RYR1: variants seen among roughly 807,000 people sequenced by gnomAD.
RYR1 encodes ryanodine receptor 1, also known as central core disease of muscle.
RYR1 carries 342 observed loss-of-function variants against 583.5 expected under a neutral mutation model. The ratio of observed to expected loss-of-function variants is 0.59; its 90% confidence interval spans 0.54 to 0.64. The LOEUF (loss-of-function observed/expected upper bound fraction) is 0.64, where lower values mean the gene tolerates loss of function less well. RYR1 is among the 30% of genes least tolerant of loss of function. The pLI, the probability that RYR1 is intolerant of heterozygous loss-of-function variation, is 0.00. For missense variants in RYR1, 6,032 were observed against 6,917.2 expected (o/e 0.87, Z 4.54); for synonymous variants, 2,791 against 2,822.5 (o/e 0.99, Z 0.35).
chr19:38,485,746 G>A lies in RYR1; in HGVS notation c.5091G>A (p.Leu1697=). The change falls in exon 34 of 106, where the codon CTG becomes CTA. Residue 1697 remains leucine, a synonymous_variant. Transcript: ENST00000359596. ...HVDQAQLLHA[L]EDAHLPGPLR... ...ACCAAGCTCAGCTGCTGCACGCCCT[G>A]GAGGACGCGCACCTGCCAGGCCCAC... 6.2e-7 allele frequency: 1 copy of A among 1,612,920 alleles called. No homozygotes were observed. Among genetic ancestry groups the A allele is most frequent in the Non-Finnish European group, 8.5e-7 (1 of 1,179,956 alleles).
In RYR1 at chr19:38,512,468, G is replaced by A. The variant is rs779410371; in HGVS notation, c.9457G>A (p.Gly3153Arg). 7.4e-6 allele frequency: 12 copies of A among 1,611,940 alleles called. No individual in the cohort carries two copies. Among genetic ancestry groups the A allele is most frequent in the African/African-American group, 4.0e-5 (3 of 74,924 alleles). The stretch of plus-strand genomic sequence containing the variant: ...CCAGCACATCGCCCAGCACCAGTTC[G>A]GAGATGACGTCATCCGTAAGGGCGC... Reference protein sequence around the residue: ...LFQHIAQHQFGDDVILDDVQV... With the variant: ...LFQHIAQHQFRDDVILDDVQV... The change falls in exon 63 of 106, where the codon GGA becomes AGA. Residue 3153 changes from glycine (G) to arginine (R), a missense_variant. Physicochemically the swap from Gly to Arg is moderately radical, Grantham distance 125. Coordinates refer to ENST00000359596, the MANE Select transcript of RYR1 (RefSeq NM_000540.3). The surrounding 1 kb of genome is among the most constrained non-coding windows in gnomAD (Gnocchi z 5.1).
At position 38,478,597 on chromosome 19, in the gene RYR1, C is replaced by T; in HGVS notation, c.4617C>T (p.Phe1539=). Residue 1539 remains phenylalanine (F), a synonymous_variant, in exon 31 of 106, where the codon TTC becomes TTT. Transcript: ENST00000359596. The part of the protein sequence containing the change: ...TANGKESNTF[F]QVEPNTKLFP... ...ATGGCAAAGAGAGCAACACCTTTTT[C>T]CAGGTGAGTCCAGGCCACAGCAATT... is the stretch of plus-strand genomic sequence containing the variant. 2.5e-6 allele frequency: 4 copies of T among 1,610,064 alleles called. No homozygotes were observed. Among genetic ancestry groups the T allele is most frequent in the Non-Finnish European group, 3.4e-6 (4 of 1,179,970 alleles).
At position 38,446,598 on chromosome 19, in the gene RYR1, A is replaced by G. The variant is rs991092831; in HGVS notation, c.725+33A>G. 6 of 1,606,834 alleles carry G rather than the reference A, an allele frequency of 3.7e-6. No homozygotes were observed. The African/African-American group carries it at 8.0e-5, about 21-fold the overall frequency. On this transcript the variant is annotated intron_variant, in intron 8 of 105. Coordinates refer to ENST00000359596, the MANE Select transcript of RYR1 (RefSeq NM_000540.3). ...CTGTGGACGAGAGGGCCTGGGGTCT[A>G]GGGGTGGACGTGGAGGGCTGGGACC... is the stretch of plus-strand genomic sequence containing the variant.
In RYR1 at chr19:38,463,516, A is replaced by G. The variant is rs2145433413; in HGVS notation, c.2671A>G (p.Thr891Ala). 1 of 1,612,474 alleles carries G rather than the reference A, an allele frequency of 6.2e-7. No homozygotes were observed. Among genetic ancestry groups the G allele is most frequent in the East Asian group, 2.2e-5 (1 of 44,870 alleles). Residue 891 changes from threonine (T) to alanine (A), a missense_variant, in exon 21 of 106, where the codon ACC becomes GCC. Thr to Ala is a moderately conservative substitution (Grantham distance 58). Around this residue, in one of 11 missense-constraint regions of RYR1, gnomAD observed 2,627 missense variants for 2,961.3 expected, o/e 0.89. Transcript: ENST00000359596. The stretch of plus-strand genomic sequence containing the variant: ...GCTAACCCGCATCGAGCAGGGCTGG[A>G]CCTACGGCCCGGTGAGGGGCTGCCT... ...WALTRIEQGW[T>A]YGPVRDDNKR...
Position 38,469,399 on chromosome 19 carries a change from C to T in RYR1, c.3651C>T (p.Gly1217=). 2 of 1,614,134 alleles carry T rather than the reference C, an allele frequency of 1.2e-6. No individual in the cohort carries two copies. The highest frequency in any genetic ancestry group is 2.2e-5 in the South Asian group (2 of 91,086). The part of the protein sequence containing the change: ...VSSLRFFAIC[G]LQEGFEPFAI... The stretch of plus-strand genomic sequence containing the variant: ...CTCTGAGGTTCTTTGCCATCTGTGG[C>T]CTCCAGGAAGGCTTCGAGCCATTTG... The change falls in exon 27 of 106, where the codon GGC becomes GGT. Residue 1217 remains glycine, a synonymous_variant. Coordinates refer to ENST00000359596, the MANE Select transcript of RYR1 (RefSeq NM_000540.3).
rs1428211609 is a variant in RYR1 at position 38,457,485 on chromosome 19, C to A, written c.1792-12C>A. ...GCCTACACACCCTTTAACCTCTGACCTTGACCTCTAGGTCCTGGACGTGCT... is the reference window on the plus strand; with the variant it reads ...GCCTACACACCCTTTAACCTCTGACATTGACCTCTAGGTCCTGGACGTGCT... On this transcript the variant is annotated splice_polypyrimidine_tract_variant and intron_variant, in intron 16 of 105. Coordinates refer to ENST00000359596, the MANE Select transcript of RYR1 (RefSeq NM_000540.3). 6.2e-7 allele frequency: 1 copy of A among 1,614,112 alleles called. No homozygotes were observed.
chr19:38,569,265 C>G (rs954623645), intron 93 of RYR1, among the ~76,000 whole-genome samples: 19 of 152,076 alleles, frequency 1.2e-4, no homozygotes, highest in African/African-American at 4.6e-4. Context: ...CCTTGGCCTC[C>G]CAAAGTGCTG....
At position 38,496,075 on chromosome 19, in the gene RYR1, T is replaced by C; in HGVS notation, c.6549-140T>C. 1.3e-6 allele frequency: 1 copy of C among 757,636 alleles called. No individual in the cohort carries two copies. The highest frequency in any genetic ancestry group is 2.7e-5 in the East Asian group (1 of 37,086). 46.9% of individuals were successfully genotyped at this position (757,636 alleles called of 1,614,324 possible). A position where few individuals can be genotyped will look rare whatever the true frequency, so the allele number is the denominator to read the frequency against. On this transcript the variant is annotated intron_variant, in intron 39 of 105. Coordinates refer to ENST00000359596, the MANE Select transcript of RYR1 (RefSeq NM_000540.3). The surrounding 1 kb of genome is among the most constrained non-coding windows in gnomAD (Gnocchi z 4.8). The stretch of plus-strand genomic sequence containing the variant: ...ACCGCACCCGGCCAGCTGTAGGAAT[T>C]GAGTGAGTTCAGATCTGTAAAGGCG...
At chr19:38,529,092 C>A in intron 76 of RYR1, 35 bp downstream of exon 76, 2 of 1,605,890 alleles carry the variant, frequency 1.2e-6, no homozygotes, top group Admixed American at 1.7e-5. Flanking sequence ...GAAATGCCCC[C>A]AAGGTCCTGG....
chr19:38,523,190 G>C (rs575861822), intron 68 of RYR1, 27 bp from the exon 69 acceptor site: 19 of 1,614,134 alleles, frequency 1.2e-5, no homozygotes, highest in Admixed American at 1.0e-4. Flanking sequence ...TCACCTGTCC[G>C]GTCTGCAACA....
rs1448315597 is a variant in RYR1, at chr19:38,565,620, C to T, written c.13286C>T (p.Ala4429Val). ...AGDEEEAVHE[A>V]GPGGADGAVA... ...GACGAGGAGGAGGCGGTGCACGAGG[C>T]CGGGCCGGGCGGTGCCGACGGGGCG... The change falls in exon 91 of 106, where the codon GCC becomes GTC. Residue 4429 changes from alanine (A) to valine (V), a missense_variant. By Grantham distance (64) the Ala-to-Val change is moderately conservative (BLOSUM62 0). Around this residue, in one of 11 missense-constraint regions of RYR1, gnomAD observed 753 missense variants for 759.6 expected, o/e 0.99. Coordinates refer to ENST00000359596, the MANE Select transcript of RYR1 (RefSeq NM_000540.3). This position sits in a 1 kb window ranked among gnomAD's most constrained non-coding sequence, Gnocchi z 4.7. The T allele has an allele frequency of 1.4e-6, 2 of 1,413,596 alleles. No homozygotes were observed. The highest frequency in any genetic ancestry group is 1.5e-5 in the African/African-American group (1 of 66,448). 87.6% of individuals were successfully genotyped at this position (1,413,596 alleles called of 1,614,324 possible). A position where few individuals can be genotyped will look rare whatever the true frequency, so the allele number is the denominator to read the frequency against.
chr19:38,537,777 GC>G, intron 83 of RYR1, 102 bp from the exon 84 acceptor site: 1 of 1,085,412 alleles, frequency 9.2e-7, no homozygotes, highest in South Asian at 1.2e-5. Flanking sequence ...GCACCCCCAT[GC>G]TTTGTGCATG....
intron 101 of RYR1, among the ~76,000 whole-genome samples, chr19:38,581,497 G>A (rs957498525): frequency 3.9e-5 from 6 of 152,136 alleles, no homozygotes; most frequent in Non-Finnish European, 7.3e-5. Context: ...TTACAGGTGT[G>A]AGCCGCCGCA....
chr19:38,486,082 C>A lies in RYR1; in HGVS notation c.5427C>A (p.Asp1809Glu). The A allele has an allele frequency of 6.2e-7, 1 of 1,612,722 alleles. No individual in the cohort carries two copies. Among genetic ancestry groups the A allele is most frequent in the Non-Finnish European group, 8.5e-7 (1 of 1,179,446 alleles). Residue 1809 changes from aspartate to glutamate, a missense_variant, in exon 34 of 106, where the codon GAC becomes GAA. By Grantham distance (45) the Asp-to-Glu change is conservative. This residue lies in a region of RYR1 where 2,627 missense variants were observed against 2,961.3 expected (regional missense o/e 0.89). Transcript: ENST00000359596. The part of the protein sequence containing the change: ...SPAIPLEALR[D>E]KALRMLGEAV... ...CCATCCCGCTGGAGGCCCTGCGGGACAAGGCACTGAGGATGCTGGGGGAGG... is the reference window on the plus strand; with the variant it reads ...CCATCCCGCTGGAGGCCCTGCGGGAAAAGGCACTGAGGATGCTGGGGGAGG...
At position 38,463,747 on chromosome 19, in the gene RYR1, G is replaced by A. The variant is rs757250317; in HGVS notation, c.2683G>A (p.Val895Ile). 1.4e-5 allele frequency: 23 copies of A among 1,614,088 alleles called. No homozygotes were observed. In the South Asian group the frequency reaches 2.5e-4, roughly 18 times the overall value. ...RIEQGWTYGP[V>I]RDDNKRLHPC... ...GGAGTTGACCCTGGGTTTTCTCCAG[G>A]TTCGGGATGACAACAAGAGGCTGCA... Residue 895 changes from valine to isoleucine, a missense_variant and splice_region_variant, in exon 22 of 106, where the codon GTT (valine) becomes ATT (isoleucine). By Grantham distance (29) the Val-to-Ile change is conservative. Coordinates refer to ENST00000359596, the MANE Select transcript of RYR1 (RefSeq NM_000540.3).
chr19:38,434,072 G>A (rs1051087779), intron 1 of RYR1, among the ~76,000 whole-genome samples, 198 bp downstream of exon 1: 5 of 152,008 alleles, frequency 3.3e-5, no homozygotes, highest in African/African-American at 1.2e-4. Flanking sequence ...TAGGATTGGG[G>A]ACTCCAGAAT....
chr19:38,458,894 C>T (rs182896653), intron 18 of RYR1, among the ~76,000 whole-genome samples: 7 of 152,326 alleles, frequency 4.6e-5, no homozygotes, highest in Admixed American at 4.6e-4. Flanking sequence ...GCTGGGATTA[C>T]AGGTGTGAGC....
chr19:38,577,916 A>G lies in RYR1; in HGVS notation c.14173-2A>G, dbSNP rs1189024951. On this transcript the variant is annotated splice_acceptor_variant, in intron 97 of 105. Transcript: ENST00000359596. LOFTEE classifies it high-confidence loss of function. ...TACACAGCCTGATGCTCTCTTGTGCAGGTCCTGGACAAACATGGGGACATC... is the reference window on the plus strand; with the variant it reads ...TACACAGCCTGATGCTCTCTTGTGCGGGTCCTGGACAAACATGGGGACATC... The G allele has an allele frequency of 1.3e-5, 21 of 1,613,994 alleles. No individual in the cohort carries two copies. Among genetic ancestry groups the G allele is most frequent in the Non-Finnish European group, 1.7e-5 (20 of 1,180,034 alleles).
At chr19:38,490,518 C>T (rs904781123) in intron 36 of RYR1, 103 bp from the exon 37 acceptor site, 20 of 859,566 alleles carry the variant, frequency 2.3e-5, no homozygotes, top group Non-Finnish European at 3.5e-5. Flanking sequence ...CACTTCGACT[C>T]ATGACCTTAG....
Sources: allele counts gnomAD v4.1 joint callset (sites outside exome capture counted in the v4.1 genomes callset), GRCh38; gene constraint gnomAD v4.1.1; regional missense constraint gnomAD v4.1.1; non-coding constraint Gnocchi (gnomAD v3.1); transcripts MANE v1.5; gene names NCBI Gene and HGNC (gene_info 2026-07-23, HGNC 2026-07-21).